The following RAB4A variants were observed in gnomAD, a reference collection of about 807,000 sequenced individuals.
RAB4A encodes RAB4A, member RAS oncogene family.
A neutral mutation model predicts 34.5 loss-of-function variants in RAB4A; 20 were observed. That is an observed-to-expected ratio of 0.58 (90% CI 0.41 to 0.84). RAB4A has a LOEUF of 0.84. RAB4A is among the 40% of genes least tolerant of loss of function. The pLI is 0.00. For synonymous variants in RAB4A, 102 were observed against 100.0 expected, an observed-to-expected ratio of 1.02 and a Z score of -0.12; for missense variants, 228 against 274.5, an observed-to-expected ratio of 0.83 and a Z score of 1.20.
At chr1:229,275,468 C>T (rs1395119508) in intron 1 of RAB4A, among the ~76,000 whole-genome samples, 1 of 152,036 alleles carries the variant, frequency 6.6e-6, no homozygotes, top group South Asian at 2.1e-4. Context: ...TTTAAGCTTC[C>T]CAGTTTGTGG....
At chr1:229,273,816 C>G (rs956031248) in intron 1 of RAB4A, among the ~76,000 whole-genome samples, 12 of 152,162 alleles carry the variant, frequency 7.9e-5, no homozygotes, top group African/African-American at 2.7e-4. Context: ...TCACCTAGAA[C>G]CAAGTCCTAG....
At chr1:229,288,883 G>A in intron 3 of RAB4A, 40 bp downstream of exon 3, 20 of 1,209,850 alleles carry the variant, frequency 1.7e-5, no homozygotes, top group Non-Finnish European at 2.4e-5. Context: ...TTGAAAATTT[G>A]ATTTAAAATA....
rs938120791 is a variant in RAB4A at position 229,300,536 on chromosome 1, C to T, written c.541+1464C>T. Among the ~76,000 whole-genome samples, 4 of 152,172 alleles carry T rather than the reference C, an allele frequency of 2.6e-5. No homozygotes were observed. In the South Asian group the frequency reaches 8.3e-4, roughly 32 times the overall value. ...CAGGACAACTGACTCTTAGGTGGGA[C>T]AAGGTGAGGAGGAAGGGCCAGCAGG... On this transcript the variant is annotated intron_variant, in intron 6 of 7. Transcript: ENST00000366690.
chr1:229,295,663 T>C (rs1319979986), intron 3 of RAB4A, among the ~76,000 whole-genome samples, 185 bp from the exon 4 acceptor site: 2 of 152,208 alleles, frequency 1.3e-5, no homozygotes, highest in Non-Finnish European at 2.9e-5. Flanking sequence ...GCCACAGTGA[T>C]GTGATTTCAG....
chr1:229,290,214 C>T (rs1026212366), intron 3 of RAB4A, among the ~76,000 whole-genome samples: 6 of 152,066 alleles, frequency 3.9e-5, no homozygotes, highest in Admixed American at 6.5e-5. Flanking sequence ...TGTTTACACA[C>T]GAAATAAGAG....
At chr1:229,280,508 G>T (rs1178291116) in intron 1 of RAB4A, among the ~76,000 whole-genome samples, 1 of 152,040 alleles carries the variant, frequency 6.6e-6, no homozygotes, top group African/African-American at 2.4e-5. Context: ...TCCAGTTTGG[G>T]GACTGTGCAT....
At chr1:229,283,403 T>G (rs2102839917) in intron 1 of RAB4A, among the ~76,000 whole-genome samples, 2 of 152,358 alleles carry the variant, frequency 1.3e-5, no homozygotes, top group Middle Eastern at 6.8e-3. Flanking sequence ...ATTCGGCCTT[T>G]GCTGGCATGG....
At chr1:229,299,372 T>C (rs1027876184) in intron 6 of RAB4A, among the ~76,000 whole-genome samples, 5 of 152,320 alleles carry the variant, frequency 3.3e-5, no homozygotes, top group African/African-American at 1.2e-4. Context: ...CTTTGGTCCT[T>C]CACTAAACGG....
intron 3 of RAB4A, among the ~76,000 whole-genome samples, chr1:229,295,223 A>G (rs918734825): frequency 6.6e-6 from 1 of 152,042 alleles, no homozygotes; most frequent in African/African-American, 2.4e-5. Context: ...AAGTGCTGGG[A>G]TTATAGGTGT....
intron 6 of RAB4A, among the ~76,000 whole-genome samples, chr1:229,302,303 ATATATATTTTTTTT>A (rs1231738998): frequency 1.0e-4 from 4 of 39,702 alleles, no homozygotes; most frequent in African/African-American, 1.7e-4. Flanking sequence ...ATATATATAT[ATATATATTTTTTTT>A]TTTTTTTTAC....
In RAB4A at chr1:229,277,226, A is replaced by G. The variant is rs959466412; in HGVS notation, c.31+5856A>G. ...AAGACCCAATCACGAACCTGGAGCA[A>G]TTGTTGGGAGTCTGTGCTGCAAATG... On this transcript the variant is annotated intron_variant, in intron 1 of 7. Transcript: ENST00000366690. 4.2e-4 allele frequency among the ~76,000 whole-genome samples: 63 copies of G among 150,898 alleles called. 1 individual carries two copies. The highest frequency in any genetic ancestry group is 1.5e-3 in the African/African-American group (62 of 40,318).
chr1:229,288,103 A>T (rs1167249035), intron 2 of RAB4A, among the ~76,000 whole-genome samples: 1 of 152,154 alleles, frequency 6.6e-6, no homozygotes, highest in Non-Finnish European at 1.5e-5. Flanking sequence ...TGTAGCTTGC[A>T]TAGGGTTTTG....
chr1:229,291,204 A>G (rs1386990706), intron 3 of RAB4A, among the ~76,000 whole-genome samples: 1 of 152,244 alleles, frequency 6.6e-6, no homozygotes, highest in East Asian at 1.9e-4. Flanking sequence ...GTAAGTGTGC[A>G]AGTAAAGGCT....
At chr1:229,301,854 A>G (rs1377252545) in intron 6 of RAB4A, among the ~76,000 whole-genome samples, 3 of 152,102 alleles carry the variant, frequency 2.0e-5, no homozygotes, top group Admixed American at 6.6e-5. Flanking sequence ...TAGTTTCCGT[A>G]TATACATATA....
Position 229,277,178 on chromosome 1 carries a change from C to T in RAB4A, c.31+5808C>T, listed in dbSNP as rs1303888513. Among the ~76,000 whole-genome samples the T allele has an allele frequency of 2.0e-5, 3 of 150,370 alleles. No homozygotes were observed. In the East Asian group the frequency reaches 5.8e-4, roughly 29 times the overall value. On this transcript the variant is annotated intron_variant, in intron 1 of 7. Transcript: ENST00000366690. Reference sequence around the variant, plus strand: ...TCAGCCTCCTCAGTGTGTGTGATCCCAACGAATGGGTCAGGAAAATCAAAG... The same window carrying T: ...TCAGCCTCCTCAGTGTGTGTGATCCTAACGAATGGGTCAGGAAAATCAAAG...
chr1:229,287,379 CTGTT>C (rs1656950992), intron 2 of RAB4A, among the ~76,000 whole-genome samples: 1 of 152,172 alleles, frequency 6.6e-6, no homozygotes, highest in Non-Finnish European at 1.5e-5. Flanking sequence ...TTGTTGGAGC[CTGTT>C]TGTTTAGTGA....
chr1:229,303,094 G>A, intron 7 of RAB4A, 105 bp downstream of exon 7: 1 of 790,668 alleles, frequency 1.3e-6, no homozygotes, highest in Non-Finnish European at 2.0e-6. Flanking sequence ...ATCCCAGCCG[G>A]GTGCAGTGGC....
chr1:229,283,881 C>T (rs1163107010), intron 1 of RAB4A, among the ~76,000 whole-genome samples: 3 of 149,606 alleles, frequency 2.0e-5, no homozygotes, highest in Non-Finnish European at 3.0e-5. Flanking sequence ...TGCTCACTAC[C>T]ACGCCTGGCT....
chr1:229,292,826 C>A (rs1011036979), intron 3 of RAB4A, among the ~76,000 whole-genome samples: 2 of 151,970 alleles, frequency 1.3e-5, no homozygotes, highest in African/African-American at 2.4e-5. Context: ...TTCTTCACAC[C>A]AGCCAGTCGG....
Sources: gnomAD v4.1 joint callset for allele counts (sites outside exome capture counted in the v4.1 genomes callset) on GRCh38, gnomAD v4.1.1 for gene constraint, MANE v1.5 for transcripts, NCBI Gene and HGNC (gene_info 2026-07-23, HGNC 2026-07-21) for gene names.